The following CASR variants were observed in gnomAD, a reference collection of about 807,000 sequenced individuals.
The protein encoded by CASR is extracellular calcium-sensing receptor.
In CASR, 23 loss-of-function variants were observed where a neutral mutation model predicts 69.1. The observed-to-expected ratio is 0.33, with a 90% CI of 0.24 to 0.47. The LOEUF is 0.47. Among genes scored for constraint, CASR ranks in the 20% least tolerant of loss-of-function variants. CASR has a pLI of 1.00. For synonymous variants in CASR, 541 were observed against 544.7 expected (o/e 0.99, Z 0.10); for missense variants, 924 against 1,356.1 (o/e 0.68, Z 5.00).
intron 1 of CASR, among the ~76,000 whole-genome samples, chr3:122,193,246 T>C (rs2073856496): frequency 6.6e-6 from 1 of 151,972 alleles, no homozygotes; most frequent in East Asian, 1.9e-4. Flanking sequence ...TGAGTCTCAC[T>C]CACTCTGTCA....
rs1249465403 is a variant in CASR at position 122,291,330 on chromosome 3, G to C, written c.*6139G>C. The stretch of plus-strand genomic sequence containing the variant: ...ACTGACTTCCACAATGGTTGAACTA[G>C]TTTACAGTCCCACCAACAGTGTAAA... On this transcript the variant is annotated 3_prime_UTR_variant, in exon 7 of 7. Coordinates refer to ENST00000639785, the MANE Select transcript of CASR (RefSeq NM_000388.4). 1 of 151,268 alleles carries C rather than the reference G, an allele frequency of 6.6e-6. No individual in the cohort carries two copies. The highest frequency in any genetic ancestry group is 1.9e-4 in the East Asian group (1 of 5,180). The allele number at this position is 151,268 out of a possible 1,614,324, so 9.4% of individuals were successfully genotyped here.
At chr3:122,204,695 G>A (rs539246532) in intron 1 of CASR, among the ~76,000 whole-genome samples, 107 of 152,112 alleles carry the variant, frequency 7.0e-4, no homozygotes, top group Non-Finnish European at 1.3e-3. Flanking sequence ...CTCACCAACA[G>A]TGTATGAAGG....
intron 1 of CASR, among the ~76,000 whole-genome samples, chr3:122,236,758 A>G (rs770642776): frequency 1.3e-5 from 2 of 152,222 alleles, no homozygotes; most frequent in Non-Finnish European, 2.9e-5. Flanking sequence ...TTCTGTTAAC[A>G]TGCTCTAAAA....
At chr3:122,266,620 AAAAT>A (rs1394013235) in intron 4 of CASR, among the ~76,000 whole-genome samples, 1 of 152,088 alleles carries the variant, frequency 6.6e-6, no homozygotes, top group Non-Finnish European at 1.5e-5. Context: ...CTCCCCAAAT[AAAAT>A]AAATAATTTG....
rs977089723 is a variant in CASR at position 122,284,719 on chromosome 3, AC to A, written c.2768del (p.Pro923HisfsTer16). The part of the protein sequence containing the change: ...SSISSKSNSE[D>X]PFPQPERQKQ... ...ATCAGCAGCAAGAGCAACAGCGAAGACCCATTCCCACAGCCCGAGAGGCAGA... is the reference window on the plus strand; with the variant it reads ...ATCAGCAGCAAGAGCAACAGCGAAGACCATTCCCACAGCCCGAGAGGCAGA... On this transcript the variant is annotated frameshift_variant, in exon 7 of 7. Transcript: ENST00000639785. LOFTEE classifies it low-confidence loss of function (END_TRUNC). 1 of 1,614,066 alleles carries A rather than the reference AC, an allele frequency of 6.2e-7. No individual in the cohort carries two copies. The highest frequency in any genetic ancestry group is 1.3e-5 in the African/African-American group (1 of 75,032).
intron 1 of CASR, among the ~76,000 whole-genome samples, chr3:122,194,293 GT>G (rs1185175946): frequency 3.3e-5 from 5 of 151,986 alleles, no homozygotes; most frequent in Non-Finnish European, 7.4e-5. Flanking sequence ...TATGCATTTG[GT>G]TTTTTTCACC....
intron 4 of CASR, among the ~76,000 whole-genome samples, chr3:122,269,522 C>A (rs189728350): frequency 4.6e-5 from 7 of 152,156 alleles, no homozygotes; most frequent in East Asian, 3.8e-4. Flanking sequence ...ATCAAACCAA[C>A]CTTTCGTTCC....
At chr3:122,189,704 C>G (rs1219664696) in intron 1 of CASR, among the ~76,000 whole-genome samples, 6 of 152,140 alleles carry the variant, frequency 3.9e-5, no homozygotes. Context: ...CCCATATTTT[C>G]TGTTGGTAGA....
Position 122,250,120 on chromosome 3 carries a change from A to G in CASR, c.-242-3828A>G, listed in dbSNP as rs2074468263. Among the ~76,000 whole-genome samples, 5 of 152,276 alleles carry G rather than the reference A, an allele frequency of 3.3e-5. No homozygotes were observed. In the South Asian group the frequency reaches 1.0e-3, roughly 32 times the overall value. On this transcript the variant is annotated intron_variant, in intron 1 of 6. Transcript: ENST00000639785. ...GAAGGTGGAAGGTGATGGGAGCTGG[A>G]CGAAGGCACTGGCCACAGGAGTGTG...
intron 1 of CASR, among the ~76,000 whole-genome samples, chr3:122,199,246 A>C (rs1026623450): frequency 6.6e-6 from 1 of 152,220 alleles, no homozygotes; most frequent in African/African-American, 2.4e-5. Flanking sequence ...ATTTCTGTAC[A>C]TGGAACTCAT....
At chr3:122,244,934 T>C (rs2074412290) in intron 1 of CASR, among the ~76,000 whole-genome samples, 1 of 152,202 alleles carries the variant, frequency 6.6e-6, no homozygotes, top group South Asian at 2.1e-4. Flanking sequence ...ATGTTTTTCA[T>C]GTTTAACGTT....
At chr3:122,261,490 C>T (rs1229560654) in intron 3 of CASR, 38 bp from the exon 4 acceptor site, 2 of 1,602,896 alleles carry the variant, frequency 1.2e-6, no homozygotes, top group Non-Finnish European at 1.7e-6. Flanking sequence ...TCTTCACTCA[C>T]TCACTCACTC....
At chr3:122,252,387 G>GAAGA (rs2074496646) in intron 1 of CASR, among the ~76,000 whole-genome samples, 1 of 22,456 alleles carries the variant, frequency 4.5e-5, no homozygotes, top group African/African-American at 1.9e-4. Context: ...AGGAAGGAAG[G>GAAGA]AAGGAAGGAA....
At chr3:122,254,926 T>G (rs1480872083) in intron 2 of CASR, among the ~76,000 whole-genome samples, 1 of 152,104 alleles carries the variant, frequency 6.6e-6, no homozygotes, top group Non-Finnish European at 1.5e-5. Context: ...AAAAGTCTTT[T>G]GCATAGGAAG....
chr3:122,200,456 G>A (rs2073936980), intron 1 of CASR, among the ~76,000 whole-genome samples: 2 of 152,038 alleles, frequency 1.3e-5, no homozygotes, highest in Admixed American at 6.6e-5. Flanking sequence ...ATTGTTTAAT[G>A]TTGCATTGTT....
At chr3:122,243,755 G>A (rs377064984) in intron 1 of CASR, among the ~76,000 whole-genome samples, 15 of 152,004 alleles carry the variant, frequency 9.9e-5, no homozygotes, top group African/African-American at 3.6e-4. Flanking sequence ...ATTCACAAAA[G>A]CCAAGATTTG....
chr3:122,199,891 G>GT (rs993357973), intron 1 of CASR, among the ~76,000 whole-genome samples: 13 of 151,758 alleles, frequency 8.6e-5, no homozygotes, highest in African/African-American at 2.9e-4. Context: ...GTTGTTTTTT[G>GT]TTTTTTTGTT....
At chr3:122,225,409 T>G (rs1366797459) in intron 1 of CASR, among the ~76,000 whole-genome samples, 1 of 151,726 alleles carries the variant, frequency 6.6e-6, no homozygotes, top group African/African-American at 2.4e-5. Flanking sequence ...AAAAAGGACA[T>G]GAACAGACAT....
At chr3:122,269,234 T>A (rs2074728377) in intron 4 of CASR, among the ~76,000 whole-genome samples, 1 of 152,250 alleles carries the variant, frequency 6.6e-6, no homozygotes, top group Non-Finnish European at 1.5e-5. Context: ...TTCAGCCCAA[T>A]TGAACTGGTT....
Sources: allele counts gnomAD v4.1 joint callset (sites outside exome capture counted in the v4.1 genomes callset), GRCh38; gene constraint gnomAD v4.1.1; transcripts MANE v1.5; gene names NCBI Gene and HGNC (gene_info 2026-07-23, HGNC 2026-07-21).